Variants in CNTN5 observed in about 807,000 individuals in gnomAD.
CNTN5 encodes the protein contactin 5.
CNTN5 carries 77 observed loss-of-function variants against 129.1 expected under a neutral mutation model. The ratio of observed to expected loss-of-function variants is 0.60; its 90% CI spans 0.50 to 0.72. CNTN5 has a LOEUF of 0.72. Among genes scored for constraint, CNTN5 ranks in the 30% least tolerant of loss-of-function variants. The probability of loss-of-function intolerance (pLI) is 0.00; values close to 1 mark genes in which losing one functional copy is unlikely to be tolerated. For missense variants in CNTN5, 1,478 were observed against 1,328.8 expected, an observed-to-expected ratio of 1.11 and a Z score of -1.75; for synonymous variants, 509 against 465.6, an observed-to-expected ratio of 1.09 and a Z score of -1.20.
chr11:99,740,391 T>C (rs920035375), intron 3 of CNTN5, among the ~76,000 whole-genome samples: 3 of 152,176 alleles, frequency 2.0e-5, no homozygotes, highest in African/African-American at 7.2e-5. Context: ...AGAACTTGTT[T>C]GTTAAGAATG....
At chr11:99,844,797 CAA>C in intron 4 of CNTN5, 53 bp from the exon 5 acceptor site, 1 of 1,534,862 alleles carries the variant, frequency 6.5e-7, no homozygotes, top group South Asian at 1.3e-5. Flanking sequence ...GAAAAAAACA[CAA>C]AATATCTTGC....
intron 8 of CNTN5, among the ~76,000 whole-genome samples, chr11:99,989,397 T>C (rs891378986): frequency 2.0e-5 from 3 of 152,152 alleles, no homozygotes; most frequent in East Asian, 3.8e-4. Flanking sequence ...ATTTGATTTG[T>C]CATTCTAAAC....
Position 100,357,631 on chromosome 11 carries a change from T to C in CNTN5, c.*1411T>C, listed in dbSNP as rs551060166. On this transcript the variant is annotated 3_prime_UTR_variant, in exon 25 of 25. Coordinates refer to ENST00000524871, the MANE Select transcript of CNTN5 (RefSeq NM_014361.4). The stretch of plus-strand genomic sequence containing the variant: ...AGAGCCTGGAGAAACTATGGTTTTA[T>C]AGGCGATGTTAACAAGAGAACAAAA... 2.0e-5 allele frequency: 3 copies of C among 151,778 alleles called. No individual in the cohort carries two copies. The highest frequency in any genetic ancestry group is 2.1e-4 in the South Asian group (1 of 4,830). 9.4% of individuals were successfully genotyped at this position (151,778 alleles called of 1,614,324 possible).
intron 1 of CNTN5, among the ~76,000 whole-genome samples, chr11:99,294,500 A>G (rs550349993): frequency 2.2e-4 from 33 of 152,230 alleles, no homozygotes; most frequent in Non-Finnish European, 4.1e-4. Context: ...TAATATACTG[A>G]TCACAGAATT....
chr11:99,325,404 A>G lies in CNTN5; in HGVS notation c.-151A>G, dbSNP rs1455479766. 2 of 152,186 alleles carry G rather than the reference A, an allele frequency of 1.3e-5. No homozygotes were observed. The highest frequency in any genetic ancestry group is 2.4e-5 in the African/African-American group (1 of 41,452). The allele number at this position is 152,186 out of a possible 1,614,324, so 9.4% of individuals were successfully genotyped here. A position where few individuals can be genotyped will look rare whatever the true frequency, so the allele number is the denominator to read the frequency against. ...AAGATCTACTAAGCATCATTTTTGC[A>G]TGACTACTGCAAAAGGATTACTTTA... On this transcript the variant is annotated 5_prime_UTR_variant, in exon 2 of 25. The change abolishes an upstream ATG in the 5' untranslated region. Transcript: ENST00000524871.
intron 13 of CNTN5, among the ~76,000 whole-genome samples, chr11:100,103,002 G>T (rs571457525): frequency 1.3e-4 from 20 of 152,216 alleles, no homozygotes; most frequent in African/African-American, 4.6e-4. Context: ...CACCTTTCTA[G>T]ATGTCCGTGA....
chr11:100,029,280 C>T (rs767603359), intron 9 of CNTN5, among the ~76,000 whole-genome samples: 1 of 152,086 alleles, frequency 6.6e-6, no homozygotes, highest in African/African-American at 2.4e-5. Context: ...CTAAATAAGA[C>T]GATTTAAAAA....
At chr11:99,282,776 C>T (rs1863757834) in intron 1 of CNTN5, among the ~76,000 whole-genome samples, 1 of 151,928 alleles carries the variant, frequency 6.6e-6, no homozygotes, top group African/African-American at 2.4e-5. Context: ...TTACTTTTCC[C>T]TCAACAAAGG....
At chr11:100,266,630 C>T (rs1284726089) in intron 17 of CNTN5, among the ~76,000 whole-genome samples, 44 of 140,806 alleles carry the variant, frequency 3.1e-4, no homozygotes, top group East Asian at 1.0e-3. Context: ...ATTTCCAAAT[C>T]TTTTTTTTTT....
chr11:99,734,199 G>T (rs1007596038), intron 3 of CNTN5, among the ~76,000 whole-genome samples: 1 of 152,182 alleles, frequency 6.6e-6, no homozygotes. Context: ...AGTCAATGGA[G>T]TATCCATCAC....
chr11:99,308,535 T>C (rs756654559), intron 1 of CNTN5, among the ~76,000 whole-genome samples: 2 of 152,028 alleles, frequency 1.3e-5, no homozygotes, highest in Non-Finnish European at 2.9e-5. Context: ...AAATTGAACA[T>C]AAAATATAGA....
intron 9 of CNTN5, among the ~76,000 whole-genome samples, chr11:100,051,267 C>T (rs1032670744): frequency 6.6e-6 from 1 of 152,032 alleles, no homozygotes; most frequent in East Asian, 1.9e-4. Context: ...AGTCTTACCC[C>T]TAAAAAAGAC....
chr11:100,209,457 C>T (rs1342394280), intron 15 of CNTN5, among the ~76,000 whole-genome samples: 1 of 152,128 alleles, frequency 6.6e-6, no homozygotes, highest in Admixed American at 6.6e-5. Context: ...AGTCATTTTT[C>T]CATTTTACAT....
chr11:99,324,044 G>C (rs990669068), intron 1 of CNTN5, among the ~76,000 whole-genome samples: 2 of 152,130 alleles, frequency 1.3e-5, no homozygotes, highest in African/African-American at 4.8e-5. Context: ...AATGCAAGCT[G>C]AGATTAAAGG....
intron 2 of CNTN5, among the ~76,000 whole-genome samples, chr11:99,449,168 C>T (rs1352066757): frequency 1.3e-5 from 2 of 152,096 alleles, no homozygotes; most frequent in Non-Finnish European, 1.5e-5. Context: ...AAAAACTACT[C>T]GTTTCTTTAA....
chr11:99,914,030 G>C (rs1949727029), intron 6 of CNTN5, among the ~76,000 whole-genome samples: 1 of 152,070 alleles, frequency 6.6e-6, no homozygotes, highest in Non-Finnish European at 1.5e-5. Flanking sequence ...CCAGAGGATT[G>C]CTTGAGACCA....
chr11:100,037,657 G>A (rs551325073), intron 9 of CNTN5, among the ~76,000 whole-genome samples: 28 of 152,224 alleles, frequency 1.8e-4, no homozygotes, highest in Middle Eastern at 3.4e-3. Context: ...CCTGTTGTTG[G>A]TCTATTCAGA....
rs546482140 is a variant in CNTN5 at position 99,321,258 on chromosome 11, C to T, written c.-209-4088C>T. Among the ~76,000 whole-genome samples, 4 of 151,688 alleles carry T rather than the reference C, an allele frequency of 2.6e-5. No individual in the cohort carries two copies. The South Asian group carries it at 8.3e-4, about 32-fold the overall frequency. Reference sequence around the variant, plus strand: ...CATACAACACACAGACAGACATACACACACATACATCCTACTGGTTCTGTT... The same window carrying T: ...CATACAACACACAGACAGACATACATACACATACATCCTACTGGTTCTGTT... On this transcript the variant is annotated intron_variant, in intron 1 of 24. Coordinates refer to ENST00000524871, the MANE Select transcript of CNTN5 (RefSeq NM_014361.4).
At chr11:100,209,307 C>T (rs1948975752) in intron 15 of CNTN5, among the ~76,000 whole-genome samples, 1 of 152,124 alleles carries the variant, frequency 6.6e-6, no homozygotes, top group Non-Finnish European at 1.5e-5. Context: ...ATTTGTACAA[C>T]CCTAAAAGTC....
Sources: gnomAD v4.1 joint callset for allele counts (sites outside exome capture counted in the v4.1 genomes callset) on GRCh38, gnomAD v4.1.1 for gene constraint, MANE v1.5 for transcripts, NCBI Gene and HGNC (gene_info 2026-07-23, HGNC 2026-07-21) for gene names.